Variants in MYOCD observed in about 807,000 individuals in gnomAD.
MYOCD encodes the protein myocardin.
Under a neutral mutation model 96.1 loss-of-function variants are expected in MYOCD, and 32 were observed. The observed-to-expected ratio is 0.33, with a 90% CI of 0.25 to 0.45. MYOCD has a LOEUF of 0.45. Ranked by LOEUF, MYOCD falls within the 20% of genes least tolerant of loss-of-function variation. The probability of loss-of-function intolerance (pLI) is 1.00; values close to 1 mark genes in which losing one functional copy is unlikely to be tolerated. For missense variants in MYOCD, 1,133 were observed against 1,200.6 expected (o/e 0.94, Z 0.83); for synonymous variants, 469 against 469.0 (o/e 1.00, Z 0.00).
chr17:12,767,698 T>C lies in MYOCD; in HGVS notation c.*4054T>C, dbSNP rs192774084. The stretch of plus-strand genomic sequence containing the variant: ...AAAGCTATCTCTCACTTCAAAATTC[T>C]TGTCTTTTTCTTTGTGGACAAACAC... On this transcript the variant is annotated 3_prime_UTR_variant, in exon 14 of 14. Transcript: ENST00000425538. 1 of 152,358 alleles carries C rather than the reference T, an allele frequency of 6.6e-6. No homozygotes were observed. The highest frequency in any genetic ancestry group is 1.9e-4 in the East Asian group (1 of 5,182). The allele number at this position is 152,358 out of a possible 1,614,324, so 9.4% of individuals were successfully genotyped here. A position where few individuals can be genotyped will look rare whatever the true frequency, so the allele number is the denominator to read the frequency against.
At chr17:12,760,858 A>T (rs1350158723) in intron 13 of MYOCD, 151 bp downstream of exon 13, 13 of 661,878 alleles carry the variant, frequency 2.0e-5, no homozygotes. Context: ...CTTCTCGCAC[A>T]TTTTTAGAGC....
At chr17:12,733,646 T>C (rs1433203947) in intron 5 of MYOCD, among the ~76,000 whole-genome samples, 1 of 152,126 alleles carries the variant, frequency 6.6e-6, no homozygotes, top group Non-Finnish European at 1.5e-5. Context: ...GGTGTGTGGA[T>C]CACCTGAGGT....
In MYOCD at chr17:12,763,255, T is replaced by G; in HGVS notation, c.2572T>G (p.Leu858Val). ...ATDSDEHLEVLLNSQSPLGKM... is the reference protein window; with the variant it reads ...ATDSDEHLEVVLNSQSPLGKM... The stretch of plus-strand genomic sequence containing the variant: ...CGACAGTGATGAGCATCTTGAAGTC[T>G]TATTAAATTCCCAGAGCCCCCTAGG... The change falls in exon 14 of 14, where the codon TTA (leucine) becomes GTA (valine). Residue 858 changes from leucine (L) to valine (V), a missense_variant. Coordinates refer to ENST00000425538, the MANE Select transcript of MYOCD (RefSeq NM_001146312.3). 1 of 1,613,782 alleles carries G rather than the reference T, an allele frequency of 6.2e-7. No homozygotes were observed. The highest frequency in any genetic ancestry group is 8.5e-7 in the Non-Finnish European group (1 of 1,179,862).
intron 6 of MYOCD, among the ~76,000 whole-genome samples, chr17:12,737,890 C>T (rs1467556160): frequency 6.6e-6 from 1 of 152,112 alleles, no homozygotes; most frequent in Non-Finnish European, 1.5e-5. Context: ...AAAAGGGAGG[C>T]ATGGAAAGCT....
chr17:12,699,526 C>T (rs1459509800), intron 1 of MYOCD, among the ~76,000 whole-genome samples: 1 of 152,226 alleles, frequency 6.6e-6, no homozygotes, highest in African/African-American at 2.4e-5. Flanking sequence ...GCCCTAACCT[C>T]TCAGCCTTTC....
At chr17:12,703,646 G>A (rs563017203) in intron 1 of MYOCD, among the ~76,000 whole-genome samples, 3 of 152,100 alleles carry the variant, frequency 2.0e-5, no homozygotes, top group East Asian at 3.9e-4. Flanking sequence ...CTGCTTCTGG[G>A]ACTCTTAATT....
chr17:12,718,942 G>A (rs1019076060), intron 4 of MYOCD, among the ~76,000 whole-genome samples: 3 of 151,876 alleles, frequency 2.0e-5, no homozygotes, highest in African/African-American at 7.3e-5. Context: ...GGGAGGCTGA[G>A]GCTGGCAGAT....
At position 12,763,578 on chromosome 17, in the gene MYOCD, C is replaced by T. The variant is rs548717673; in HGVS notation, c.2895C>T (p.Ile965=). 7 of 1,614,114 alleles carry T rather than the reference C, an allele frequency of 4.3e-6. No homozygotes were observed. Among genetic ancestry groups the T allele is most frequent in the East Asian group, 2.2e-5 (1 of 44,868 alleles). Reference sequence around the variant, plus strand: ...CCAGCAGCCCCAGCATCTTCAACATCGATTTCCTGGATGTCACTGATCTCA... The same window carrying T: ...CCAGCAGCCCCAGCATCTTCAACATTGATTTCCTGGATGTCACTGATCTCA... ...LTTSSPSIFN[I]DFLDVTDLNL... Residue 965 remains isoleucine, a synonymous_variant, in exon 14 of 14, where the codon ATC becomes ATT. Coordinates refer to ENST00000425538, the MANE Select transcript of MYOCD (RefSeq NM_001146312.3).
At chr17:12,684,568 CG>C (rs1458230925) in intron 1 of MYOCD, among the ~76,000 whole-genome samples, 1 of 152,132 alleles carries the variant, frequency 6.6e-6, no homozygotes, top group Non-Finnish European at 1.5e-5. Flanking sequence ...CAATGGTGAC[CG>C]GGTGCAGTGG....
rs4054959 is a variant in MYOCD at position 12,714,323 on chromosome 17, G to GCACACACACACACACACACACA, written c.122-1178_122-1157dup. ...GTCTTAAGGGTTGAATGAGGCACGT[G>GCACACACACACACACACACACA]CACACACACACACACACACACACAC... On this transcript the variant is annotated intron_variant, in intron 2 of 13. Coordinates refer to ENST00000425538, the MANE Select transcript of MYOCD (RefSeq NM_001146312.3). Among the ~76,000 whole-genome samples the GCACACACACACACACACACACA allele has an allele frequency of 2.0e-3, 271 of 136,126 alleles. 2 individuals are homozygous for GCACACACACACACACACACACA. Among genetic ancestry groups the GCACACACACACACACACACACA allele is most frequent in the Non-Finnish European group, 2.8e-3 (179 of 64,458 alleles). The allele number at this position is 136,126 out of a possible 152,430, so 89.3% of individuals were successfully genotyped here.
intron 8 of MYOCD, among the ~76,000 whole-genome samples, chr17:12,745,477 C>T (rs949864428): frequency 3.9e-5 from 6 of 151,980 alleles, no homozygotes; most frequent in African/African-American, 1.2e-4. Flanking sequence ...CCAAAGTGCT[C>T]GGATTACAGG....
intron 2 of MYOCD, chr17:12,710,418 A>G: frequency 9.5e-6 from 7 of 736,656 alleles, no homozygotes; most frequent in Non-Finnish European, 1.2e-5. Flanking sequence ...GCTTGGTTTC[A>G]TGATCTGATC....
At chr17:12,673,548 C>T (rs1449247166) in intron 1 of MYOCD, among the ~76,000 whole-genome samples, 2 of 152,084 alleles carry the variant, frequency 1.3e-5, no homozygotes, top group African/African-American at 4.8e-5. Context: ...AAACCTTTTC[C>T]ACTTGTATTG....
chr17:12,763,284 GA>G lies in MYOCD; in HGVS notation c.2602del (p.Met868Ter). 6.2e-7 allele frequency: 1 copy of G among 1,612,926 alleles called. No individual in the cohort carries two copies. Among genetic ancestry groups the G allele is most frequent in the Non-Finnish European group, 8.5e-7 (1 of 1,179,564 alleles). ...LLNSQSPLGK[M>X]SDVTLLKIGS... ...TAAATTCCCAGAGCCCCCTAGGAAA[GA>G]TGAGTGATGTCACCCTTCTAAAAAT... On this transcript the variant is annotated frameshift_variant, in exon 14 of 14. Coordinates refer to ENST00000425538, the MANE Select transcript of MYOCD (RefSeq NM_001146312.3). LOFTEE classifies it high-confidence loss of function.
chr17:12,708,462 C>T (rs892134026), intron 2 of MYOCD, among the ~76,000 whole-genome samples: 3 of 151,698 alleles, frequency 2.0e-5, no homozygotes, highest in Admixed American at 1.3e-4. Context: ...AGCGTGATCT[C>T]GGCTCACTGC....
intron 5 of MYOCD, among the ~76,000 whole-genome samples, chr17:12,728,036 A>C (rs1431906043): frequency 1.3e-5 from 2 of 152,134 alleles, no homozygotes; most frequent in African/African-American, 4.8e-5. Context: ...CTCATTGCCT[A>C]TTTCGCCTTC....
intron 7 of MYOCD, among the ~76,000 whole-genome samples, chr17:12,740,494 C>T (rs1386498641): frequency 6.6e-6 from 1 of 152,200 alleles, no homozygotes; most frequent in African/African-American, 2.4e-5. Context: ...CTGCAAAAGA[C>T]ATTATTTCAT....
chr17:12,666,564 G>A (rs997186897), intron 1 of MYOCD, among the ~76,000 whole-genome samples: 5 of 152,134 alleles, frequency 3.3e-5, no homozygotes, highest in African/African-American at 1.2e-4. Flanking sequence ...ACAAATAAGG[G>A]ATTTCAAGTT....
chr17:12,732,684 G>A (rs995984351), intron 5 of MYOCD, among the ~76,000 whole-genome samples: 2 of 152,202 alleles, frequency 1.3e-5, no homozygotes, highest in Admixed American at 6.5e-5. Flanking sequence ...GCTCCGTCCA[G>A]CCCTGGGGAA....
Sources: allele counts gnomAD v4.1 joint callset (sites outside exome capture counted in the v4.1 genomes callset), GRCh38; gene constraint gnomAD v4.1.1; transcripts MANE v1.5; gene names NCBI Gene and HGNC (gene_info 2026-07-23, HGNC 2026-07-21).